Variants in ZMYM4 observed in about 807,000 individuals in gnomAD.
ZMYM4 encodes the protein zinc finger MYM-type protein 4.
In ZMYM4, 31 loss-of-function variants were observed where a neutral mutation model predicts 183.2. That is an observed-to-expected ratio of 0.17 (90% CI 0.13 to 0.23). The LOEUF (loss-of-function observed/expected upper bound fraction) is 0.23. Ranked by LOEUF, ZMYM4 falls within the 10% of genes least tolerant of loss-of-function variation. ZMYM4 has a pLI of 1.00. For missense variants in ZMYM4, 1,273 were observed against 1,840.3 expected, an observed-to-expected ratio of 0.69 and a Z score of 5.64; for synonymous variants, 592 against 631.2, an observed-to-expected ratio of 0.94 and a Z score of 0.93.
intron 1 of ZMYM4, among the ~76,000 whole-genome samples, chr1:35,279,914 A>G (rs1205440623): frequency 6.6e-6 from 1 of 152,232 alleles, no homozygotes; most frequent in East Asian, 1.9e-4. Context: ...CTAAGACTAC[A>G]GAAGCTTTCT....
chr1:35,272,577 C>T (rs546097189), intron 1 of ZMYM4, among the ~76,000 whole-genome samples: 1 of 152,322 alleles, frequency 6.6e-6, no homozygotes, highest in East Asian at 1.9e-4. Flanking sequence ...ACCAAGTTCT[C>T]TGCTTTGTAA....
chr1:35,320,275 T>G (rs755634043), intron 1 of ZMYM4, among the ~76,000 whole-genome samples: 2 of 152,094 alleles, frequency 1.3e-5, no homozygotes, highest in South Asian at 2.1e-4. Flanking sequence ...TGCCAATGAT[T>G]TACTCAATCA....
chr1:35,392,427 G>A lies in ZMYM4; in HGVS notation c.2728+75G>A, dbSNP rs1017818921. On this transcript the variant is annotated intron_variant, in intron 16 of 29. Transcript: ENST00000314607. ...GTGGTCCCCTAACTTCCTTTCATCA[G>A]GGATTATTTTCATACATTTGACACA... 2.8e-5 allele frequency: 43 copies of A among 1,530,980 alleles called. No homozygotes were observed. The African/African-American group carries it at 5.4e-4, about 19-fold the overall frequency. 94.8% of individuals were successfully genotyped at this position (1,530,980 alleles called of 1,614,324 possible).
At chr1:35,352,770 T>C (rs1238312931) in intron 2 of ZMYM4, among the ~76,000 whole-genome samples, 1 of 152,196 alleles carries the variant, frequency 6.6e-6, no homozygotes, top group Non-Finnish European at 1.5e-5. Flanking sequence ...TCTGACTCCT[T>C]CATTTTGACC....
At chr1:35,357,664 C>T (rs1479704914) in intron 2 of ZMYM4, among the ~76,000 whole-genome samples, 1 of 152,090 alleles carries the variant, frequency 6.6e-6, no homozygotes, top group East Asian at 1.9e-4. Flanking sequence ...AATCTGTTAA[C>T]CATCTGAGGG....
At chr1:35,399,296 ATTGT>A (rs1375947933) in intron 22 of ZMYM4, among the ~76,000 whole-genome samples, 182 bp from the exon 23 acceptor site, 4 of 152,106 alleles carry the variant, frequency 2.6e-5, no homozygotes, top group Admixed American at 1.3e-4. Context: ...GGTTTTCCTG[ATTGT>A]TAATGAAGTT....
chr1:35,377,506 T>G (rs1210366239), intron 7 of ZMYM4, among the ~76,000 whole-genome samples: 1 of 152,180 alleles, frequency 6.6e-6, no homozygotes, highest in Non-Finnish European at 1.5e-5. Flanking sequence ...ATTCAGGATT[T>G]GGTTCCAGAC....
At chr1:35,396,912 C>T (rs1286643384) in intron 19 of ZMYM4, 2 of 558,594 alleles carry the variant, frequency 3.6e-6, no homozygotes, top group Non-Finnish European at 4.9e-6. Flanking sequence ...AATAAGACCA[C>T]TCAAATAGAA....
At position 35,390,831 on chromosome 1, in the gene ZMYM4, A is replaced by G. The variant is rs532532601; in HGVS notation, c.2587+733A>G. Among the ~76,000 whole-genome samples the G allele has an allele frequency of 5.9e-5, 9 of 152,352 alleles. No homozygotes were observed. The South Asian group carries it at 8.3e-4, about 14-fold the overall frequency. ...CTTAAAAAATCCTTTGAGACTACTT[A>G]TAACAAAAGACATAAAGTCAAAATC... On this transcript the variant is annotated intron_variant, in intron 15 of 29. Coordinates refer to ENST00000314607, the MANE Select transcript of ZMYM4 (RefSeq NM_005095.3).
chr1:35,407,806 A>G (rs1476513477), intron 25 of ZMYM4, among the ~76,000 whole-genome samples: 2 of 152,210 alleles, frequency 1.3e-5, no homozygotes, highest in Non-Finnish European at 2.9e-5. Context: ...AGCCTCTATC[A>G]TAGCACGTAT....
At chr1:35,392,489 C>T in intron 16 of ZMYM4, 137 bp downstream of exon 16, 1 of 1,295,694 alleles carries the variant, frequency 7.7e-7, no homozygotes, top group Non-Finnish European at 1.1e-6. Flanking sequence ...GCACAAGTTT[C>T]ATATCTCATA....
chr1:35,391,774 G>A (rs2148992348), intron 15 of ZMYM4, among the ~76,000 whole-genome samples: 1 of 152,320 alleles, frequency 6.6e-6, no homozygotes, highest in Non-Finnish European at 1.5e-5. Flanking sequence ...AGGGTATGGT[G>A]GCTCATGCCT....
intron 2 of ZMYM4, among the ~76,000 whole-genome samples, chr1:35,353,339 T>C (rs1483945002): frequency 1.3e-5 from 2 of 152,230 alleles, no homozygotes; most frequent in Non-Finnish European, 2.9e-5. Context: ...ACAGAAGCTA[T>C]ATGTAGAATG....
intron 1 of ZMYM4, among the ~76,000 whole-genome samples, chr1:35,282,631 G>A (rs974311931): frequency 1.4e-4 from 22 of 152,074 alleles, no homozygotes; most frequent in African/African-American, 5.1e-4. Context: ...TCATGGGTCA[G>A]TGCAGCCTCT....
intron 2 of ZMYM4, among the ~76,000 whole-genome samples, chr1:35,334,404 T>C (rs995336735): frequency 1.3e-5 from 2 of 152,220 alleles, no homozygotes; most frequent in African/African-American, 4.8e-5. Context: ...GTATATATTA[T>C]AGCTCTTCTT....
At chr1:35,377,683 C>T (rs2148955288) in intron 7 of ZMYM4, among the ~76,000 whole-genome samples, 1 of 152,304 alleles carries the variant, frequency 6.6e-6, no homozygotes, top group South Asian at 2.1e-4. Flanking sequence ...AAAAATACTG[C>T]ATTGCTAACA....
intron 1 of ZMYM4, among the ~76,000 whole-genome samples, chr1:35,283,483 G>T (rs776250152): frequency 6.6e-6 from 1 of 151,050 alleles, no homozygotes; most frequent in Non-Finnish European, 1.5e-5. Context: ...GACTACAGGC[G>T]CCCACCACCA....
intron 2 of ZMYM4, among the ~76,000 whole-genome samples, chr1:35,342,349 G>A (rs1172636138): frequency 6.6e-6 from 1 of 151,858 alleles, no homozygotes; most frequent in Admixed American, 6.6e-5. Context: ...TTTGTAGAGA[G>A]AAGGTCTTTC....
chr1:35,317,434 A>G (rs1413580986), intron 1 of ZMYM4, among the ~76,000 whole-genome samples: 1 of 152,002 alleles, frequency 6.6e-6, no homozygotes, highest in African/African-American at 2.4e-5. Flanking sequence ...ACTCTGTCTC[A>G]AAAAATAAAT....
Sources: allele counts gnomAD v4.1 joint callset (sites outside exome capture counted in the v4.1 genomes callset), GRCh38; gene constraint gnomAD v4.1.1; transcripts MANE v1.5; gene names NCBI Gene and HGNC (gene_info 2026-07-23, HGNC 2026-07-21).